Variants in DLGAP2 observed in about 807,000 individuals in gnomAD.
DLGAP2 encodes disks large-associated protein 2.
A neutral mutation model predicts 100.3 loss-of-function variants in DLGAP2; 26 were observed. The ratio of observed to expected loss-of-function variants is 0.26; its 90% confidence interval spans 0.19 to 0.36. The LOEUF is 0.36. Among genes scored for constraint, DLGAP2 ranks in the 10% least tolerant of loss-of-function variants. The pLI, the probability that DLGAP2 is intolerant of heterozygous loss-of-function variation, is 1.00. For synonymous variants in DLGAP2, 886 were observed against 630.1 expected (o/e 1.41, Z -6.08); for missense variants, 1,858 against 1,453.2 (o/e 1.28, Z -4.53).
intron 4 of DLGAP2, among the ~76,000 whole-genome samples, chr8:1,538,726 C>CA (rs1170061397): frequency 6.6e-6 from 1 of 152,090 alleles, no homozygotes; most frequent in Non-Finnish European, 1.5e-5. Flanking sequence ...TTATCAGAGG[C>CA]AAAGCCCCAG....
intron 1 of DLGAP2, among the ~76,000 whole-genome samples, chr8:843,368 G>A (rs981891333): frequency 4.6e-5 from 7 of 152,228 alleles, no homozygotes; most frequent in Non-Finnish European, 1.0e-4. Context: ...AGGGCGGTGT[G>A]GCTGATCAGC....
At chr8:1,482,775 G>A (rs1264246666) in intron 3 of DLGAP2, among the ~76,000 whole-genome samples, 1 of 152,262 alleles carries the variant, frequency 6.6e-6, no homozygotes, top group African/African-American at 2.4e-5. Context: ...AGTAGGAGCT[G>A]CAGGCAGCCG....
intron 3 of DLGAP2, among the ~76,000 whole-genome samples, chr8:1,261,453 C>G (rs948908010): frequency 6.6e-6 from 1 of 151,426 alleles, no homozygotes; most frequent in Non-Finnish European, 1.5e-5. Context: ...GGCAGGTCAG[C>G]TTCCAGATCT....
intron 2 of DLGAP2, among the ~76,000 whole-genome samples, chr8:1,186,127 C>T (rs78943803): frequency 0.034 from 5,191 of 152,288 alleles, 127 homozygotes; most frequent in East Asian, 0.16. Context: ...AGGTGCTTCT[C>T]GCTTTGCGCC....
chr8:1,234,610 G>T (rs1339045861), intron 2 of DLGAP2, among the ~76,000 whole-genome samples: 1 of 152,166 alleles, frequency 6.6e-6, no homozygotes, highest in African/African-American at 2.4e-5. Context: ...GGAGGCACAG[G>T]CTGTTCTAGA....
intron 3 of DLGAP2, among the ~76,000 whole-genome samples, chr8:1,466,285 T>C (rs1798622855): frequency 6.6e-6 from 1 of 152,068 alleles, no homozygotes; most frequent in Admixed American, 6.5e-5. Context: ...AACTGACAAT[T>C]TGGTGCCAGG....
At chr8:1,051,743 T>G (rs1331918147) in intron 2 of DLGAP2, among the ~76,000 whole-genome samples, 1 of 152,054 alleles carries the variant, frequency 6.6e-6, no homozygotes, top group Non-Finnish European at 1.5e-5. Context: ...GCACAGTGGC[T>G]GTATGAGGCT....
At chr8:1,254,887 G>T (rs61215430) in intron 2 of DLGAP2, among the ~76,000 whole-genome samples, 18 of 150,898 alleles carry the variant, frequency 1.2e-4, no homozygotes, top group South Asian at 2.1e-4. Flanking sequence ...TCTCCTGCCC[G>T]CGTGCTGTGT....
intron 3 of DLGAP2, among the ~76,000 whole-genome samples, chr8:1,331,105 G>T (rs1202214261): frequency 6.6e-6 from 1 of 152,222 alleles, no homozygotes; most frequent in East Asian, 1.9e-4. Context: ...TGCCTGCTGG[G>T]TACTCATGCA....
chr8:1,499,948 G>A (rs554143852), intron 3 of DLGAP2, among the ~76,000 whole-genome samples: 3 of 115,974 alleles, frequency 2.6e-5, no homozygotes, highest in African/African-American at 9.9e-5. Flanking sequence ...TCCGTTTGCA[G>A]ACTACAGCCT....
chr8:1,323,576 G>A (rs1247514003), intron 3 of DLGAP2, among the ~76,000 whole-genome samples: 3 of 152,180 alleles, frequency 2.0e-5, no homozygotes, highest in Non-Finnish European at 2.9e-5. Flanking sequence ...ATTCGAACGT[G>A]GGGCAGGCAG....
At position 1,481,471 on chromosome 8, in the gene DLGAP2, C is replaced by CTTTTTTTTTTTT. The variant is rs1165790168; in HGVS notation, c.107-19882_107-19871dup. 1.7e-3 allele frequency among the ~76,000 whole-genome samples: 74 copies of CTTTTTTTTTTTT among 43,680 alleles called. 1 individual carries two copies. The highest frequency in any genetic ancestry group is 0.019 in the Middle Eastern group (1 of 52). 28.7% of individuals were successfully genotyped at this position (43,680 alleles called of 152,430 possible). ...GGATTTTCTTTTTCTTTTTCTTTTT[C>CTTTTTTTTTTTT]TTTTTTTTTTTTTTTTTTTTTTTTG... On this transcript the variant is annotated intron_variant, in intron 3 of 14. Coordinates refer to ENST00000637795, the MANE Select transcript of DLGAP2 (RefSeq NM_001346810.2).
rs113505240 is a variant in DLGAP2 at position 837,688 on chromosome 8, A to G, written c.19-70224A>G. Among the ~76,000 whole-genome samples the G allele has an allele frequency of 1.2e-3, 145 of 121,830 alleles. No homozygotes were observed. The East Asian group carries it at 0.012, about 10-fold the overall frequency. The allele number at this position is 121,830 out of a possible 152,430, so 79.9% of individuals were successfully genotyped here. Reference sequence around the variant, plus strand: ...TATGTGTGTGTGTGTGTGTGTGTGTATATAATATGTATATATAAATATATA... The same window carrying G: ...TATGTGTGTGTGTGTGTGTGTGTGTGTATAATATGTATATATAAATATATA... On this transcript the variant is annotated intron_variant, in intron 1 of 14. Coordinates refer to ENST00000637795, the MANE Select transcript of DLGAP2 (RefSeq NM_001346810.2).
chr8:887,957 T>C (rs1797954676), intron 1 of DLGAP2, among the ~76,000 whole-genome samples: 1 of 152,230 alleles, frequency 6.6e-6, no homozygotes. Context: ...CTGGATAATA[T>C]CCTGCAGTGT....
intron 3 of DLGAP2, among the ~76,000 whole-genome samples, chr8:1,372,498 C>T (rs1166741150): frequency 1.3e-5 from 2 of 152,162 alleles, no homozygotes; most frequent in African/African-American, 4.8e-5. Context: ...TCCTGACGTC[C>T]GGGCTGCATA....
chr8:1,289,701 C>T (rs903825927), intron 3 of DLGAP2, among the ~76,000 whole-genome samples: 51 of 151,910 alleles, frequency 3.4e-4, no homozygotes, highest in African/African-American at 9.7e-4. Flanking sequence ...CACAGAAGTA[C>T]CCCCCCGAGG....
At chr8:1,661,568 T>C (rs571802150) in intron 8 of DLGAP2, among the ~76,000 whole-genome samples, 2 of 152,254 alleles carry the variant, frequency 1.3e-5, no homozygotes, top group African/African-American at 2.4e-5. Flanking sequence ...AATGTAACCA[T>C]GTATGGGAAA....
At chr8:1,425,536 G>C (rs944105810) in intron 3 of DLGAP2, among the ~76,000 whole-genome samples, 7 of 152,180 alleles carry the variant, frequency 4.6e-5, no homozygotes, top group African/African-American at 1.7e-4. Context: ...GTGCATCCCT[G>C]CAGGGGCCCC....
chr8:1,506,074 C>T (rs1461539003), intron 4 of DLGAP2, among the ~76,000 whole-genome samples: 1 of 152,180 alleles, frequency 6.6e-6, no homozygotes, highest in Admixed American at 6.5e-5. Flanking sequence ...TTCCACCTGG[C>T]AGGCACATAG....
Sources: gnomAD v4.1 joint callset for allele counts (sites outside exome capture counted in the v4.1 genomes callset) on GRCh38, gnomAD v4.1.1 for gene constraint, MANE v1.5 for transcripts, NCBI Gene and HGNC (gene_info 2026-07-23, HGNC 2026-07-21) for gene names.